DAAM2: variants seen among roughly 807,000 people sequenced by gnomAD.
DAAM2 encodes the protein disheveled-associated activator of morphogenesis 2.
In DAAM2, 39 loss-of-function variants were observed where a neutral mutation model predicts 120.7. That is an observed-to-expected ratio of 0.32 (90% CI 0.25 to 0.42). The LOEUF is 0.42. Among genes scored for constraint, DAAM2 ranks in the 10% least tolerant of loss-of-function variants. The pLI is 1.00. For synonymous variants in DAAM2, 488 were observed against 524.9 expected (o/e 0.93, Z 0.96); for missense variants, 1,283 against 1,401.7 (o/e 0.92, Z 1.35).
In DAAM2 at chr6:39,845,326, CAT is replaced by C. The variant is rs963616248; in HGVS notation, c.-56-10919_-56-10918del. ...ACAGATACCACGTGTATACACCACA[CAT>C]ACACATCCCATACACATCCCATACA... On this transcript the variant is annotated intron_variant, in intron 1 of 24. Coordinates refer to ENST00000274867, the MANE Select transcript of DAAM2 (RefSeq NM_001201427.2). Among the ~76,000 whole-genome samples the C allele has an allele frequency of 6.9e-3, 1,022 of 147,630 alleles. 14 individuals carry two copies. Among genetic ancestry groups the C allele is most frequent in the African/African-American group, 0.025 (970 of 39,432 alleles).
At position 39,875,394 on chromosome 6, in the gene DAAM2, C is replaced by T. The variant is rs770304669; in HGVS notation, c.1227C>T (p.Val409=). Residue 409 remains valine, a synonymous_variant, in exon 11 of 25, where the codon GTC becomes GTT. Coordinates refer to ENST00000274867, the MANE Select transcript of DAAM2 (RefSeq NM_001201427.2). ...QLLDRILQQI[V]LQDERGVDPD... is the part of the protein sequence containing the mutation. Reference sequence around the variant, plus strand: ...TGGACCGCATCCTCCAGCAGATTGTCCTCCAGGATGAGCGGGGTGTGGACC... The same window carrying T: ...TGGACCGCATCCTCCAGCAGATTGTTCTCCAGGATGAGCGGGGTGTGGACC... The T allele has an allele frequency of 1.2e-6, 2 of 1,613,994 alleles. No homozygotes were observed. The highest frequency in any genetic ancestry group is 2.2e-5 in the South Asian group (2 of 91,078).
chr6:39,830,152 G>A (rs1762824891), intron 1 of DAAM2, among the ~76,000 whole-genome samples: 1 of 152,204 alleles, frequency 6.6e-6, no homozygotes. Context: ...CCAGAGTGGG[G>A]GTTCATAGAT....
chr6:39,902,001 T>C lies in DAAM2; in HGVS notation c.3171T>C (p.Val1057=), dbSNP rs372415635. 3 of 1,611,020 alleles carry C rather than the reference T, an allele frequency of 1.9e-6. No individual in the cohort carries two copies. Among genetic ancestry groups the C allele is most frequent in the African/African-American group, 2.7e-5 (2 of 74,858 alleles). The change falls in exon 25 of 25, where the codon GTT becomes GTC. Residue 1057 remains valine, a synonymous_variant. Coordinates refer to ENST00000274867, the MANE Select transcript of DAAM2 (RefSeq NM_001201427.2). Reference sequence around the variant, plus strand: ...GATCAGGGAGCCAGGCCCTGGAAGTTACCCGGGAGCGGGCAATAAACCGGC... The same window carrying C: ...GATCAGGGAGCCAGGCCCTGGAAGTCACCCGGGAGCGGGCAATAAACCGGC... The part of the protein sequence containing the change: ...RKRSGSQALE[V]TRERAINRLN...
In DAAM2 at chr6:39,901,702, T is replaced by A. The variant is rs1766495432; in HGVS notation, c.2983-111T>A. ...GCAGGAAGAAAGTGGGGCCAACAGA[T>A]ACAGGCAGGCAGCATGACCATGGCC... On this transcript the variant is annotated intron_variant, in intron 24 of 24. Coordinates refer to ENST00000274867, the MANE Select transcript of DAAM2 (RefSeq NM_001201427.2). The surrounding 1 kb of genome is among the most constrained non-coding windows in gnomAD (Gnocchi z 4.5). The A allele has an allele frequency of 9.1e-7, 1 of 1,099,912 alleles. No individual in the cohort carries two copies. The highest frequency in any genetic ancestry group is 1.3e-6 in the Non-Finnish European group (1 of 792,518). The allele number at this position is 1,099,912 out of a possible 1,614,324, so 68.1% of individuals were successfully genotyped here. A position where few individuals can be genotyped will look rare whatever the true frequency, so the allele number is the denominator to read the frequency against.
intron 2 of DAAM2, among the ~76,000 whole-genome samples, chr6:39,858,863 A>C (rs1477034670): frequency 6.6e-6 from 1 of 152,068 alleles, no homozygotes; most frequent in Non-Finnish European, 1.5e-5. Flanking sequence ...CTACATTTAA[A>C]GGTAGGATAG....
intron 2 of DAAM2, among the ~76,000 whole-genome samples, chr6:39,858,771 T>C (rs1764103327): frequency 6.6e-6 from 1 of 152,144 alleles, no homozygotes; most frequent in Non-Finnish European, 1.5e-5. Context: ...ACTGTTGGCC[T>C]AGGGGTACAA....
At position 39,824,446 on chromosome 6, in the gene DAAM2, C is replaced by G. The variant is rs538287085; in HGVS notation, c.-56-31801C>G. On this transcript the variant is annotated intron_variant, in intron 1 of 24. Transcript: ENST00000274867. The stretch of plus-strand genomic sequence containing the variant: ...GGCCCTGTGCTCCAGGATCAAGTGT[C>G]CCTGTTTGTTTTGACATCCCCTGTG... Among the ~76,000 whole-genome samples the G allele has an allele frequency of 6.6e-5, 10 of 152,294 alleles. No homozygotes were observed. The South Asian group carries it at 2.1e-3, about 32-fold the overall frequency.
At chr6:39,899,745 TC>T (rs1562067013) in intron 22 of DAAM2, 1 of 204,180 alleles carries the variant, frequency 4.9e-6, no homozygotes, top group African/African-American at 2.3e-5. Flanking sequence ...TGTGCATGAG[TC>T]ACCTGGAGTC....
At chr6:39,809,585 A>C (rs1400936489) in intron 1 of DAAM2, among the ~76,000 whole-genome samples, 1 of 152,156 alleles carries the variant, frequency 6.6e-6, no homozygotes, top group African/African-American at 2.4e-5. Flanking sequence ...TGGTTAAAGA[A>C]ATTTAAGTAG....
Position 39,902,084 on chromosome 6 carries a change from G to C in DAAM2, c.*47G>C, listed in dbSNP as rs1766528709. 6.7e-7 allele frequency: 1 copy of C among 1,500,912 alleles called. No individual in the cohort carries two copies. Among genetic ancestry groups the C allele is most frequent in the African/African-American group, 1.4e-5 (1 of 72,552 alleles). The allele number at this position is 1,500,912 out of a possible 1,614,324, so 93.0% of individuals were successfully genotyped here. A position where few individuals can be genotyped will look rare whatever the true frequency, so the allele number is the denominator to read the frequency against. ...GAGGCCGGGAGACAGGGACTGGTGAGAATGGGGCTGAGTGGAGGAGGTGGT... is the reference window on the plus strand; with the variant it reads ...GAGGCCGGGAGACAGGGACTGGTGACAATGGGGCTGAGTGGAGGAGGTGGT... On this transcript the variant is annotated 3_prime_UTR_variant, in exon 25 of 25. Transcript: ENST00000274867.
chr6:39,898,865 G>C lies in DAAM2; in HGVS notation c.2619-12G>C. 1.9e-6 allele frequency: 3 copies of C among 1,610,202 alleles called. No individual in the cohort carries two copies. Among genetic ancestry groups the C allele is most frequent in the Non-Finnish European group, 2.5e-6 (3 of 1,177,722 alleles). On this transcript the variant is annotated splice_polypyrimidine_tract_variant and intron_variant, in intron 21 of 24. Coordinates refer to ENST00000274867, the MANE Select transcript of DAAM2 (RefSeq NM_001201427.2). ...ATGGTCCTCATTCCCTTCCCTCTGT[G>C]TCTCCTTACAGCCTAGCAGAACTGG...
chr6:39,843,580 T>C (rs1562020391), intron 1 of DAAM2, among the ~76,000 whole-genome samples: 1 of 152,192 alleles, frequency 6.6e-6, no homozygotes. Context: ...CAGCACAAAA[T>C]GAAAATGCAG....
chr6:39,898,453 G>A (rs1582773906), intron 21 of DAAM2, among the ~76,000 whole-genome samples: 1 of 152,218 alleles, frequency 6.6e-6, no homozygotes, highest in South Asian at 2.1e-4. Context: ...CGAACATCTA[G>A]GCTGATAGAT....
intron 1 of DAAM2, among the ~76,000 whole-genome samples, chr6:39,798,999 GC>G (rs1342624721): frequency 6.6e-6 from 1 of 152,126 alleles, no homozygotes; most frequent in Non-Finnish European, 1.5e-5. Context: ...TATCAACTAG[GC>G]CCTTAATCCA....
chr6:39,830,600 TG>T (rs1762844886), intron 1 of DAAM2, among the ~76,000 whole-genome samples: 1 of 152,104 alleles, frequency 6.6e-6, no homozygotes, highest in Admixed American at 6.5e-5. Context: ...TGGGAATAGC[TG>T]GGAAGCAAGT....
chr6:39,884,189 TC>T, intron 15 of DAAM2, 120 bp downstream of exon 15: 1 of 630,226 alleles, frequency 1.6e-6, no homozygotes, highest in Non-Finnish European at 2.9e-6. Flanking sequence ...CCTTCCTCCA[TC>T]TTCCCCTTCC....
At chr6:39,897,412 A>T in intron 21 of DAAM2, 130 bp downstream of exon 21, 1 of 627,166 alleles carries the variant, frequency 1.6e-6, no homozygotes, top group East Asian at 2.7e-5. Context: ...TTCTGAGTTC[A>T]AAAGAATTTA....
chr6:39,856,474 A>T lies in DAAM2; in HGVS notation c.168+4A>T. 6.9e-7 allele frequency: 1 copy of T among 1,446,734 alleles called. No individual in the cohort carries two copies. Among genetic ancestry groups the T allele is most frequent in the Non-Finnish European group, 9.1e-7 (1 of 1,094,056 alleles). The allele number at this position is 1,446,734 out of a possible 1,614,324, so 89.6% of individuals were successfully genotyped here. On this transcript the variant is annotated splice_donor_region_variant and intron_variant, in intron 2 of 24. Coordinates refer to ENST00000274867, the MANE Select transcript of DAAM2 (RefSeq NM_001201427.2). The stretch of plus-strand genomic sequence containing the variant: ...CATCCGCTTTGCAGAGCTGGTGGTC[A>T]GTGAGAGGGTGGGGAGAGACAGTGA...
chr6:39,794,190 A>G (rs1158022360), intron 1 of DAAM2, among the ~76,000 whole-genome samples: 1 of 152,154 alleles, frequency 6.6e-6, no homozygotes, highest in Non-Finnish European at 1.5e-5. Context: ...GTGCATGTAA[A>G]CAGGAGTGAC....
Sources: gnomAD v4.1 joint callset for allele counts (sites outside exome capture counted in the v4.1 genomes callset) on GRCh38, gnomAD v4.1.1 for gene constraint, Gnocchi (gnomAD v3.1) non-coding constraint, MANE v1.5 for transcripts, NCBI Gene and HGNC (gene_info 2026-07-23, HGNC 2026-07-21) for gene names.